ZNF892: variants seen among roughly 807,000 people sequenced by gnomAD.
The protein encoded by ZNF892 is zinc finger protein 892, also known as zinc finger protein 570-like.
At chr2:95,228,189 C>A in the ZNF892 span, among the ~76,000 whole-genome samples, 2 of 152,194 alleles carry the variant, frequency 1.3e-5, no homozygotes, top group Non-Finnish European at 2.9e-5. Flanking sequence ...GTTCTACCAT[C>A]TGCGTTTTCT....
the ZNF892 span, chr2:95,208,844 A>C: frequency 2.5e-6 from 1 of 396,408 alleles, no homozygotes; most frequent in Non-Finnish European, 4.4e-6. Context: ...CACTGGGTTC[A>C]TCCTGATAAA....
At chr2:95,253,106 C>G in the ZNF892 span, among the ~76,000 whole-genome samples, 1 of 152,194 alleles carries the variant, frequency 6.6e-6, no homozygotes, top group Non-Finnish European at 1.5e-5. Flanking sequence ...TCCCATTTGT[C>G]AACTTTGGCT....
the ZNF892 span, chr2:95,215,270 TG>T: frequency 4.2e-6 from 2 of 479,476 alleles, no homozygotes; most frequent in Non-Finnish European, 3.7e-6. Flanking sequence ...GGACTCACAC[TG>T]GGGAGAAACC....
At chr2:95,253,646 T>A in the ZNF892 span, among the ~76,000 whole-genome samples, 1 of 152,344 alleles carries the variant, frequency 6.6e-6, no homozygotes, top group East Asian at 1.9e-4. Flanking sequence ...TTGATGGGGA[T>A]GGCATTGAAT....
At chr2:95,221,909 CCTT>C in the ZNF892 span, among the ~76,000 whole-genome samples, 1 of 151,976 alleles carries the variant, frequency 6.6e-6, no homozygotes, top group Non-Finnish European at 1.5e-5. Context: ...TATAATAGTT[CCTT>C]CTTCTCCTCC....
At chr2:95,223,582 G>T in the ZNF892 span, among the ~76,000 whole-genome samples, 1 of 152,034 alleles carries the variant, frequency 6.6e-6, no homozygotes, top group East Asian at 1.9e-4. Context: ...TGCATCTTTT[G>T]TAGAAATGGG....
the ZNF892 span, among the ~76,000 whole-genome samples, chr2:95,249,354 C>T: frequency 6.8e-6 from 1 of 147,730 alleles, no homozygotes; most frequent in Admixed American, 6.7e-5. Context: ...GTTTCTCCTG[C>T]CTCAGCCTCC....
chr2:95,217,620 A>G, the ZNF892 span, among the ~76,000 whole-genome samples: 1 of 152,224 alleles, frequency 6.6e-6, no homozygotes, highest in African/African-American at 2.4e-5. Flanking sequence ...CCCATTCCAC[A>G]GGGGGAGAAA....
At chr2:95,243,267 G>A in the ZNF892 span, among the ~76,000 whole-genome samples, 1 of 151,940 alleles carries the variant, frequency 6.6e-6, no homozygotes, top group South Asian at 2.1e-4. Context: ...CTGCCCGGCC[G>A]CCACCCCGTC....
the ZNF892 span, among the ~76,000 whole-genome samples, chr2:95,210,177 GTATATATGTATATGTGTA>G: frequency 1.3e-5 from 2 of 148,428 alleles, no homozygotes; most frequent in Admixed American, 1.4e-4. Context: ...GTATATATGT[GTATATATGTATATGTGTA>G]TATATGTATA....
the ZNF892 span, among the ~76,000 whole-genome samples, chr2:95,234,319 A>G: frequency 6.6e-6 from 1 of 152,168 alleles, no homozygotes; most frequent in Non-Finnish European, 1.5e-5. Flanking sequence ...AACCCAGGAA[A>G]AGTAATTTCT....
the ZNF892 span, chr2:95,215,459 T>C: frequency 2.3e-6 from 1 of 441,576 alleles, no homozygotes; most frequent in South Asian, 8.5e-5. Context: ...CCTACAAGTG[T>C]AAGGAATGTG....
At chr2:95,229,862 AATGGTT>A in the ZNF892 span, among the ~76,000 whole-genome samples, 28 of 152,308 alleles carry the variant, frequency 1.8e-4, 1 homozygote, top group African/African-American at 6.7e-4. Context: ...GATAATGTCA[AATGGTT>A]TTGACTTTAC....
the ZNF892 span, among the ~76,000 whole-genome samples, chr2:95,241,933 A>C: frequency 6.6e-6 from 1 of 152,204 alleles, no homozygotes; most frequent in African/African-American, 2.4e-5. Flanking sequence ...TGAGACAGGC[A>C]GACAAGAATA....
At chr2:95,214,932 A>G in the ZNF892 span, 2 of 499,156 alleles carry the variant, frequency 4.0e-6, no homozygotes, top group South Asian at 5.1e-5. Context: ...TATAATTCAT[A>G]CTGGAGAAAA....
chr2:95,237,261 C>T, the ZNF892 span, among the ~76,000 whole-genome samples: 2 of 151,932 alleles, frequency 1.3e-5, no homozygotes, highest in Non-Finnish European at 2.9e-5. Flanking sequence ...GATTCTCCTG[C>T]CTCAGTCTCC....
At chr2:95,209,397 T>G in the ZNF892 span, among the ~76,000 whole-genome samples, 417 of 152,302 alleles carry the variant, frequency 2.7e-3, no homozygotes, top group African/African-American at 9.3e-3. Context: ...CAGTCTACAC[T>G]CGGTCTTATT....
At chr2:95,232,856 T>C in the ZNF892 span, among the ~76,000 whole-genome samples, 1 of 152,032 alleles carries the variant, frequency 6.6e-6, no homozygotes, top group South Asian at 2.1e-4. Flanking sequence ...GTTGCAGAAA[T>C]ATTCCTCCAT....
At chr2:95,221,855 G>A in the ZNF892 span, among the ~76,000 whole-genome samples, 19 of 152,190 alleles carry the variant, frequency 1.2e-4, no homozygotes, top group Non-Finnish European at 2.6e-4. Flanking sequence ...TATGTTTGAC[G>A]AAGATATTAC....
Sources: gnomAD v4.1 joint callset for allele counts (sites outside exome capture counted in the v4.1 genomes callset) on GRCh38, gnomAD v4.1.1 for gene constraint, MANE v1.5 for transcripts, NCBI Gene and HGNC (gene_info 2026-07-23, HGNC 2026-07-21) for gene names.